Variants in TERB1 observed in about 807,000 individuals in gnomAD.
TERB1 encodes the protein telomere repeat binding bouquet formation protein 1.
In TERB1, 63 loss-of-function variants were observed where a neutral mutation model predicts 92.3. The observed-to-expected ratio is 0.68, with a 90% CI of 0.56 to 0.84. The LOEUF (loss-of-function observed/expected upper bound fraction) is 0.84. Ranked by LOEUF, TERB1 falls within the 40% of genes least tolerant of loss-of-function variation. The pLI is 0.00. For synonymous variants in TERB1, 252 were observed against 283.9 expected (o/e 0.89, Z 1.13); for missense variants, 709 against 843.7 (o/e 0.84, Z 1.98).
At chr16:66,770,878 T>G (rs1192512180) in intron 13 of TERB1, among the ~76,000 whole-genome samples, 1 of 151,984 alleles carries the variant, frequency 6.6e-6, no homozygotes, top group Non-Finnish European at 1.5e-5. Flanking sequence ...TGAGACAGGG[T>G]CTTGCTCTGT....
intron 3 of TERB1, among the ~76,000 whole-genome samples, chr16:66,794,630 G>C (rs2018895203): frequency 1.3e-5 from 2 of 152,076 alleles, no homozygotes; most frequent in African/African-American, 4.8e-5. Context: ...ACACAATCAG[G>C]CTGGGCACAG....
intron 5 of TERB1, among the ~76,000 whole-genome samples, chr16:66,790,337 AAAAG>A (rs1465070995): frequency 2.2e-5 from 3 of 138,204 alleles, no homozygotes; most frequent in Admixed American, 6.8e-5. Context: ...AAGGGAAGAG[AAAAG>A]AAAGAAAGAG....
chr16:66,801,515 G>A lies in TERB1; in HGVS notation c.-157C>T, dbSNP rs1267213295. On this transcript the variant is annotated 5_prime_UTR_variant, in exon 1 of 19. Transcript: ENST00000433154. Reference sequence around the variant, plus strand: ...CAGGACAACAACGCGCGGGAGCGGAGGCCGTGGCGTCTACCCTCAAGCGGG... The same window carrying A: ...CAGGACAACAACGCGCGGGAGCGGAAGCCGTGGCGTCTACCCTCAAGCGGG... The A allele has an allele frequency of 1.3e-5, 2 of 152,292 alleles. No homozygotes were observed. Among genetic ancestry groups the A allele is most frequent in the East Asian group, 1.9e-4 (1 of 5,178 alleles). 9.4% of individuals were successfully genotyped at this position (152,292 alleles called of 1,614,324 possible).
chr16:66,775,032 C>T (rs2018521900), intron 12 of TERB1, 86 bp downstream of exon 12: 1 of 1,353,878 alleles, frequency 7.4e-7, no homozygotes, highest in Non-Finnish European at 1.0e-6. Flanking sequence ...AATCTGAGAG[C>T]TATAGGGCCT....
At chr16:66,766,847 A>C (rs771148281) in intron 16 of TERB1, among the ~76,000 whole-genome samples, 1 of 152,162 alleles carries the variant, frequency 6.6e-6, no homozygotes, top group Non-Finnish European at 1.5e-5. Context: ...AGGTCTCGCT[A>C]TGTTGACCAT....
chr16:66,763,919 A>T (rs1209756910), intron 16 of TERB1, among the ~76,000 whole-genome samples: 1 of 152,202 alleles, frequency 6.6e-6, no homozygotes, highest in Non-Finnish European at 1.5e-5. Flanking sequence ...AGTACAATAA[A>T]GATGTGCAAA....
intron 16 of TERB1, among the ~76,000 whole-genome samples, chr16:66,760,460 AAAAAAAAAAAGAAAAG>A (rs2018219079): frequency 1.2e-5 from 1 of 85,162 alleles, no homozygotes. Flanking sequence ...CCATCTCAAA[AAAAAAAAAAAGAAAAG>A]AAAAGAAAAG....
chr16:66,777,265 C>A lies in TERB1; in HGVS notation c.923G>T (p.Ser308Ile), dbSNP rs1351972293. 6.4e-7 allele frequency: 1 copy of A among 1,550,778 alleles called. No individual in the cohort carries two copies. The highest frequency in any genetic ancestry group is 8.7e-7 in the Non-Finnish European group (1 of 1,146,390). Residue 308 changes from serine to isoleucine, a missense_variant, in exon 11 of 19, where the codon AGT becomes ATT. Physicochemically the swap from Ser to Ile is moderately radical, Grantham distance 142 (BLOSUM62 -2). Coordinates refer to ENST00000433154, the MANE Select transcript of TERB1 (RefSeq NM_001136505.2). ...GCTAAATTTTTCTCCTGAATCCAGA[C>A]TTTCATGAAGCAGTAATGCCAGAAG... The part of the protein sequence containing the change: ...SKLLALLLHE[S>I]LDSGEKFSIM...
At chr16:66,771,613 A>G (rs2018452473) in intron 13 of TERB1, among the ~76,000 whole-genome samples, 1 of 151,068 alleles carries the variant, frequency 6.6e-6, no homozygotes, top group Admixed American at 6.7e-5. Flanking sequence ...TATGTGAATT[A>G]TATCTCATTA....
At chr16:66,784,996 T>G (rs1357677897) in intron 9 of TERB1, among the ~76,000 whole-genome samples, 3 of 150,798 alleles carry the variant, frequency 2.0e-5, no homozygotes, top group African/African-American at 7.3e-5. Context: ...GTGCTGGGAT[T>G]ACAGGTGTGA....
At chr16:66,800,392 G>GGTT (rs1555510269) in intron 2 of TERB1, among the ~76,000 whole-genome samples, 1 of 92,862 alleles carries the variant, frequency 1.1e-5, no homozygotes, top group Non-Finnish European at 1.9e-5. Flanking sequence ...AATAAAGAAA[G>GGTT]TTTTTTTTTT....
At chr16:66,800,647 CACT>C (rs1235355959) in intron 2 of TERB1, among the ~76,000 whole-genome samples, 1 of 152,034 alleles carries the variant, frequency 6.6e-6, no homozygotes, top group Non-Finnish European at 1.5e-5. Flanking sequence ...ATAATCCCAC[CACT>C]AAATTGTTTT....
At chr16:66,791,924 T>G (rs924962774) in intron 3 of TERB1, among the ~76,000 whole-genome samples, 1 of 152,144 alleles carries the variant, frequency 6.6e-6, no homozygotes, top group Non-Finnish European at 1.5e-5. Flanking sequence ...GAAGGAATAC[T>G]TCCCAACTTA....
At chr16:66,759,382 A>T in intron 16 of TERB1, 92 bp from the exon 17 acceptor site, 3 of 1,060,592 alleles carry the variant, frequency 2.8e-6, no homozygotes, top group Non-Finnish European at 4.0e-6. Flanking sequence ...TGGTAACTGA[A>T]GTAAAATCAG....
intron 18 of TERB1, among the ~76,000 whole-genome samples, chr16:66,756,690 T>C (rs1342675443): frequency 6.6e-6 from 1 of 152,192 alleles, no homozygotes; most frequent in Non-Finnish European, 1.5e-5. Context: ...GAGTTGATCA[T>C]GTAAAGCCCC....
In TERB1 at chr16:66,778,999, G is replaced by A. The variant is rs533585820; in HGVS notation, c.717C>T (p.Tyr239=). ...TLANNTYVQK[Y]FVSVGGLDVL... is the part of the protein sequence containing the mutation. ...CATCCAGTCCGCCCACAGATACGAAGTATTTCTGAACATATGCTTAAAGAA... is the reference window on the plus strand; with the variant it reads ...CATCCAGTCCGCCCACAGATACGAAATATTTCTGAACATATGCTTAAAGAA... Residue 239 remains tyrosine (Y), a synonymous_variant, in exon 10 of 19, where the codon TAC becomes TAT. Coordinates refer to ENST00000433154, the MANE Select transcript of TERB1 (RefSeq NM_001136505.2). 114 of 1,510,528 alleles carry A rather than the reference G, an allele frequency of 7.5e-5. No individual in the cohort carries two copies. The African/African-American group carries it at 1.4e-3, about 19-fold the overall frequency. 93.6% of individuals were successfully genotyped at this position (1,510,528 alleles called of 1,614,324 possible).
intron 5 of TERB1, among the ~76,000 whole-genome samples, chr16:66,789,369 G>A (rs2018785151): frequency 2.6e-5 from 1 of 38,798 alleles, no homozygotes; most frequent in African/African-American, 1.8e-4. Context: ...CGGATCACGA[G>A]GTCAGGAGAT....
At chr16:66,778,120 C>A (rs2018578596) in intron 10 of TERB1, among the ~76,000 whole-genome samples, 2 of 150,374 alleles carry the variant, frequency 1.3e-5, no homozygotes, top group Admixed American at 6.6e-5. Context: ...GCCATGAGTT[C>A]AAGTCTGGTT....
chr16:66,777,926 A>AGTAC (rs769324946), intron 10 of TERB1, among the ~76,000 whole-genome samples: 13 of 152,226 alleles, frequency 8.5e-5, no homozygotes, highest in Non-Finnish European at 1.9e-4. Flanking sequence ...TACTAATATC[A>AGTAC]ACAAAAAAGT....
Sources: gnomAD v4.1 joint callset for allele counts (sites outside exome capture counted in the v4.1 genomes callset) on GRCh38, gnomAD v4.1.1 for gene constraint, MANE v1.5 for transcripts, NCBI Gene and HGNC (gene_info 2026-07-23, HGNC 2026-07-21) for gene names.